Variants in TMEM108 observed in about 807,000 individuals in gnomAD.
TMEM108 encodes cancer/testis antigen 124.
In TMEM108, 12 loss-of-function variants were observed where a neutral mutation model predicts 35.1. That is an observed-to-expected ratio of 0.34 (90% CI 0.22 to 0.55). The LOEUF (loss-of-function observed/expected upper bound fraction) is 0.55, where lower values mean the gene tolerates loss of function less well. Ranked by LOEUF, TMEM108 falls within the 20% of genes least tolerant of loss-of-function variation. The probability of loss-of-function intolerance (pLI) is 0.89; values close to 1 mark genes in which losing one functional copy is unlikely to be tolerated. For missense variants in TMEM108, 680 were observed against 753.3 expected, an observed-to-expected ratio of 0.90 and a Z score of 1.14; for synonymous variants, 287 against 308.6, an observed-to-expected ratio of 0.93 and a Z score of 0.73.
intron 2 of TMEM108, among the ~76,000 whole-genome samples, chr3:133,117,122 A>G (rs559680306): frequency 6.6e-6 from 1 of 152,358 alleles, no homozygotes; most frequent in African/African-American, 2.4e-5. Flanking sequence ...GGTATGCTGA[A>G]ATCGTTTTAG....
At chr3:133,186,144 A>AATTG (rs1945417960) in intron 2 of TMEM108, among the ~76,000 whole-genome samples, 1 of 152,202 alleles carries the variant, frequency 6.6e-6, no homozygotes, top group Non-Finnish European at 1.5e-5. Flanking sequence ...CTGGGTGATC[A>AATTG]AGGTAAATAA....
At chr3:133,107,131 GCTATTGGAGAGT>G (rs1450901265) in intron 2 of TMEM108, among the ~76,000 whole-genome samples, 1 of 152,116 alleles carries the variant, frequency 6.6e-6, no homozygotes, top group Non-Finnish European at 1.5e-5. Context: ...GGAAAAATAG[GCTATTGGAGAGT>G]CTCTTGCATA....
intron 3 of TMEM108, among the ~76,000 whole-genome samples, chr3:133,298,790 C>T (rs905439310): frequency 1.3e-5 from 2 of 152,110 alleles, no homozygotes; most frequent in African/African-American, 4.8e-5. Context: ...GTGCTCATAA[C>T]CACTATGCTA....
rs553745877 is a variant in TMEM108 at position 133,378,549 on chromosome 3, G to A, written c.41-1203G>A. 1.1e-5 allele frequency: 11 copies of A among 985,492 alleles called. No homozygotes were observed. In the East Asian group the frequency reaches 3.4e-4, roughly 30 times the overall value. 61.0% of individuals were successfully genotyped at this position (985,492 alleles called of 1,614,324 possible). On this transcript the variant is annotated intron_variant, in intron 3 of 5. Transcript: ENST00000321871. Reference sequence around the variant, plus strand: ...GAAGGGGATCCATGAACAAGGAGGTGCTAACAGGTCAGAATCAGGCCTCAG... The same window carrying A: ...GAAGGGGATCCATGAACAAGGAGGTACTAACAGGTCAGAATCAGGCCTCAG...
rs555190373 is a variant in TMEM108, at chr3:133,155,032, C to G, written c.-46-74234C>G. ...TTCCACTTTCCTCTCAAGTAGTCCC[C>G]AGTGTCTGTTGTTCCCCTCTTTGTG... On this transcript the variant is annotated intron_variant, in intron 2 of 5. Transcript: ENST00000321871. 2.6e-5 allele frequency among the ~76,000 whole-genome samples: 4 copies of G among 152,174 alleles called. No individual in the cohort carries two copies. The East Asian group carries it at 7.7e-4, about 29-fold the overall frequency.
intron 4 of TMEM108, among the ~76,000 whole-genome samples, 196 bp downstream of exon 4, chr3:133,381,357 C>T (rs1043284833): frequency 6.6e-6 from 1 of 152,214 alleles, no homozygotes; most frequent in Non-Finnish European, 1.5e-5. Flanking sequence ...TGAATGCCTG[C>T]TGATCATAAA....
chr3:133,054,296 TGCTGAGTGGTAGGGAAATTGCTGG>T (rs1226554575), intron 2 of TMEM108, among the ~76,000 whole-genome samples: 1 of 152,206 alleles, frequency 6.6e-6, no homozygotes, highest in Non-Finnish European at 1.5e-5. Context: ...TCTATCCCAG[TGCTGAGTGGTAGGGAAATTGCTGG>T]GCTGGATGAT....
intron 3 of TMEM108, among the ~76,000 whole-genome samples, chr3:133,239,932 C>G (rs183777773): frequency 1.6e-4 from 24 of 152,248 alleles, no homozygotes; most frequent in African/African-American, 5.3e-4. Flanking sequence ...CTTGAAGTTT[C>G]ATGTTATTCT....
chr3:133,157,096 G>A (rs535625456), intron 2 of TMEM108, among the ~76,000 whole-genome samples: 17 of 152,170 alleles, frequency 1.1e-4, no homozygotes, highest in Non-Finnish European at 1.9e-4. Flanking sequence ...AATATTACTT[G>A]AGTACCTGGA....
chr3:133,387,764 T>G (rs2073174488), intron 4 of TMEM108: 1 of 891,930 alleles, frequency 1.1e-6, no homozygotes, highest in Non-Finnish European at 1.3e-6. Flanking sequence ...AAGCTGACGC[T>G]GAGAGAGGTT....
intron 3 of TMEM108, among the ~76,000 whole-genome samples, chr3:133,298,816 T>A (rs1002497678): frequency 1.3e-5 from 2 of 152,150 alleles, no homozygotes; most frequent in African/African-American, 4.8e-5. Flanking sequence ...GCATTTTATT[T>A]AACCACCTTT....
chr3:133,128,140 T>C (rs953024982), intron 2 of TMEM108, among the ~76,000 whole-genome samples: 1 of 152,198 alleles, frequency 6.6e-6, no homozygotes, highest in African/African-American at 2.4e-5. Context: ...TGGTACATAG[T>C]ATAACAGTAA....
intron 2 of TMEM108, among the ~76,000 whole-genome samples, chr3:133,208,114 G>A (rs775718888): frequency 6.6e-6 from 1 of 152,138 alleles, no homozygotes; most frequent in African/African-American, 2.4e-5. Context: ...TGTAAAGCAG[G>A]GGTTCCCAAA....
rs1437254898 is a variant in TMEM108 at position 133,342,544 on chromosome 3, G to GTGTATATATATATATATA, written c.41-37207_41-37206insGTATATATATATATATAT. Among the ~76,000 whole-genome samples the GTGTATATATATATATATA allele has an allele frequency of 3.8e-3, 179 of 46,640 alleles. 43 individuals carry two copies. Among genetic ancestry groups the GTGTATATATATATATATA allele is most frequent in the East Asian group, 0.01 (26 of 2,594 alleles). 30.6% of individuals were successfully genotyped at this position (46,640 alleles called of 152,430 possible). On this transcript the variant is annotated intron_variant, in intron 3 of 5. Transcript: ENST00000321871. ...TAAAAAAGTTAAAAAAGAAAATGTGGTATATATATATACACACACACACAC... is the reference window on the plus strand; with the variant it reads ...TAAAAAAGTTAAAAAAGAAAATGTGGTGTATATATATATATATATATATATATATACACACACACACAC...
chr3:133,107,182 A>T (rs189540571), intron 2 of TMEM108, among the ~76,000 whole-genome samples: 1 of 152,160 alleles, frequency 6.6e-6, no homozygotes, highest in Non-Finnish European at 1.5e-5. Flanking sequence ...ACTGAATTCT[A>T]TGTCATTTGG....
intron 2 of TMEM108, among the ~76,000 whole-genome samples, chr3:133,076,079 G>A (rs1391614294): frequency 1.3e-5 from 2 of 152,106 alleles, no homozygotes; most frequent in Non-Finnish European, 2.9e-5. Context: ...CTCGAGATTT[G>A]GGTAAGGAGG....
At position 133,380,509 on chromosome 3, in the gene TMEM108, C is replaced by T. The variant is rs903486210; in HGVS notation, c.798C>T (p.Pro266=). Residue 266 remains proline (P), a synonymous_variant, in exon 4 of 6, where the codon CCC becomes CCT. Transcript: ENST00000321871. This position sits in a 1 kb window ranked among gnomAD's most constrained non-coding sequence, Gnocchi z 5.3. ...TGCCCAGCAATACCTCATGGGCACC[C>T]ACCACCACCTCCCTGGGGCCTGCAA... ...TTVPSNTSWA[P]TTTSLGPAKD... 1 of 1,613,760 alleles carries T rather than the reference C, an allele frequency of 6.2e-7. No homozygotes were observed. The highest frequency in any genetic ancestry group is 8.5e-7 in the Non-Finnish European group (1 of 1,179,958).
At chr3:133,391,097 T>G (rs75630650) in intron 5 of TMEM108, among the ~76,000 whole-genome samples, 1 of 152,146 alleles carries the variant, frequency 6.6e-6, no homozygotes, top group African/African-American at 2.4e-5. Flanking sequence ...TATTATGGCA[T>G]TGGGACTCTA....
intron 2 of TMEM108, among the ~76,000 whole-genome samples, chr3:133,211,544 A>G (rs1010483872): frequency 1.3e-5 from 2 of 152,206 alleles, no homozygotes; most frequent in African/African-American, 4.8e-5. Flanking sequence ...CAAAACCATA[A>G]AAAGGGAAGT....
Sources: gnomAD v4.1 joint callset for allele counts (sites outside exome capture counted in the v4.1 genomes callset) on GRCh38, gnomAD v4.1.1 for gene constraint, Gnocchi (gnomAD v3.1) non-coding constraint, MANE v1.5 for transcripts, NCBI Gene and HGNC (gene_info 2026-07-23, HGNC 2026-07-21) for gene names.